The following C12orf42 variants were observed in gnomAD, a reference collection of about 807,000 sequenced individuals.
The protein encoded by C12orf42 is uncharacterized protein C12orf42.
C12orf42 carries 25 observed loss-of-function variants against 21.6 expected under a neutral mutation model. That is an observed-to-expected ratio of 1.16 (90% CI 0.84 to 1.62). C12orf42 has a LOEUF of 1.62. Among genes scored for constraint, C12orf42 ranks in the 40% most tolerant of loss-of-function variants. The probability of loss-of-function intolerance (pLI) is 0.00; values close to 1 mark genes in which losing one functional copy is unlikely to be tolerated. For missense variants in C12orf42, 483 were observed against 459.3 expected (o/e 1.05, Z -0.47); for synonymous variants, 174 against 175.0 (o/e 0.99, Z 0.05).
intron 2 of C12orf42, among the ~76,000 whole-genome samples, chr12:103,406,756 A>C (rs1281985472): frequency 1.3e-5 from 2 of 152,208 alleles, no homozygotes; most frequent in Non-Finnish European, 2.9e-5. Context: ...CCCAGACCTA[A>C]GGAGAAGATT....
At chr12:103,497,637 T>G (rs1955598545), upstream of C12orf42, among the ~76,000 whole-genome samples, 1 of 152,216 alleles carries the variant, frequency 6.6e-6, no homozygotes, top group South Asian at 2.1e-4. Flanking sequence ...TCTTCATCAA[T>G]TTCAGCAAAT....
At chr12:103,054,946 C>T in the C12orf42 span, among the ~76,000 whole-genome samples, 1 of 151,786 alleles carries the variant, frequency 6.6e-6, no homozygotes, top group South Asian at 2.1e-4. Context: ...GTGTGTCATT[C>T]TCTTTATGTA....
the C12orf42 span, among the ~76,000 whole-genome samples, chr12:103,521,338 T>C: frequency 1.3e-5 from 2 of 152,190 alleles, no homozygotes; most frequent in South Asian, 4.1e-4. Flanking sequence ...TGCCATCGAA[T>C]ACTATGCAGC....
chr12:103,318,213 T>C (rs901382940), intron 4 of C12orf42, among the ~76,000 whole-genome samples: 5 of 151,984 alleles, frequency 3.3e-5, no homozygotes, highest in African/African-American at 4.8e-5. Flanking sequence ...TACTTGAGTA[T>C]GGGAGGCAGA....
intron 4 of C12orf42, among the ~76,000 whole-genome samples, chr12:103,353,548 C>T (rs1394190032): frequency 6.6e-6 from 1 of 151,936 alleles, no homozygotes; most frequent in Non-Finnish European, 1.5e-5. Context: ...TATGTGAGGG[C>T]CAGTAGCAGA....
the C12orf42 span, chr12:103,550,771 G>A: frequency 6.6e-6 from 1 of 151,926 alleles, no homozygotes; most frequent in African/African-American, 2.4e-5. Context: ...CAAATAACAT[G>A]GTATTATATT....
chr12:103,302,783 A>C (rs1593341435), intron 5 of C12orf42, among the ~76,000 whole-genome samples: 1 of 150,712 alleles, frequency 6.6e-6, no homozygotes, highest in East Asian at 1.9e-4. Flanking sequence ...GAAACCACCT[A>C]CCCAACACCT....
intron 1 of C12orf42, among the ~76,000 whole-genome samples, chr12:103,483,302 G>A (rs1246626338): frequency 6.6e-6 from 1 of 152,150 alleles, no homozygotes; most frequent in Non-Finnish European, 1.5e-5. Flanking sequence ...CTGTACATGT[G>A]TAGGGGCATA....
chr12:103,235,136 T>C (rs568704740), downstream of C12orf42, among the ~76,000 whole-genome samples: 6 of 152,186 alleles, frequency 3.9e-5, no homozygotes, highest in Non-Finnish European at 7.4e-5. Flanking sequence ...CCATAAATAC[T>C]TCTGACATTT....
chr12:103,432,440 T>A (rs529382492), intron 2 of C12orf42, among the ~76,000 whole-genome samples: 5 of 152,342 alleles, frequency 3.3e-5, no homozygotes, highest in Middle Eastern at 6.8e-3. Context: ...GCCCTGCGCA[T>A]ATCTGACTAG....
chr12:103,354,300 T>C (rs2043340596), intron 4 of C12orf42, among the ~76,000 whole-genome samples: 1 of 152,118 alleles, frequency 6.6e-6, no homozygotes. Context: ...CTAGGGAGAA[T>C]TACGGCTTCC....
At chr12:103,281,961 A>AAG (rs746853228) in intron 4 of C12orf42, among the ~76,000 whole-genome samples, 1 of 146,958 alleles carries the variant, frequency 6.8e-6, no homozygotes, top group African/African-American at 2.5e-5. Context: ...GAAAGAAAGA[A>AAG]AGAGATCGAT....
chr12:103,169,865 G>A, the C12orf42 span, among the ~76,000 whole-genome samples: 2 of 152,176 alleles, frequency 1.3e-5, no homozygotes, highest in Non-Finnish European at 2.9e-5. Flanking sequence ...TAGAGCAATG[G>A]TTCATGCTGA....
intron 3 of C12orf42, among the ~76,000 whole-genome samples, chr12:103,391,161 TTA>T (rs143705802): frequency 0.18 from 26,355 of 150,512 alleles, 2,628 homozygotes; most frequent in African/African-American, 0.29. Context: ...ATATTCGGTT[TTA>T]TATATATATA....
At chr12:103,093,603 T>C in the C12orf42 span, among the ~76,000 whole-genome samples, 1 of 152,026 alleles carries the variant, frequency 6.6e-6, no homozygotes, top group African/African-American at 2.4e-5. Context: ...TTAGGTGGGC[T>C]CCAGGACAAG....
chr12:103,207,635 T>C, the C12orf42 span, among the ~76,000 whole-genome samples: 1 of 152,200 alleles, frequency 6.6e-6, no homozygotes, highest in African/African-American at 2.4e-5. Context: ...GAAAAACTCA[T>C]TGTAGCCCCT....
At position 103,302,413 on chromosome 12, in the gene C12orf42, C is replaced by G. The variant is rs764782955; in HGVS notation, c.778G>C (p.Asp260His). Residue 260 changes from aspartate to histidine, a missense_variant, in exon 6 of 6, where the codon GAC (aspartate) becomes CAC (histidine). Physicochemically the swap from Asp to His is moderately conservative, Grantham distance 81. Coordinates refer to ENST00000548883, the MANE Select transcript of C12orf42 (RefSeq NM_198521.5). Reference sequence around the variant, plus strand: ...GCGCCCAGGAGTCTGCTTTGGATGTCGTCGGGGTGTGCCTGAGCGCCTGCT... The same window carrying G: ...GCGCCCAGGAGTCTGCTTTGGATGTGGTCGGGGTGTGCCTGAGCGCCTGCT... The part of the protein sequence containing the change: ...VPAGAQAHPD[D>H]IQSRLLGASG... 4.3e-6 allele frequency: 7 copies of G among 1,613,742 alleles called. No homozygotes were observed. The African/African-American group carries it at 5.3e-5, about 12-fold the overall frequency.
the C12orf42 span, among the ~76,000 whole-genome samples, chr12:103,551,315 TATAG>T: frequency 6.6e-6 from 1 of 152,230 alleles, no homozygotes; most frequent in Non-Finnish European, 1.5e-5. Context: ...CAACATTTTC[TATAG>T]ATATTTATAA....
intron 2 of C12orf42, among the ~76,000 whole-genome samples, chr12:103,474,664 C>G (rs1016666877): frequency 6.6e-6 from 1 of 152,128 alleles, no homozygotes; most frequent in African/African-American, 2.4e-5. Context: ...ATCAAGCCAC[C>G]ACTTTTGATT....
Sources: allele counts gnomAD v4.1 joint callset (sites outside exome capture counted in the v4.1 genomes callset), GRCh38; gene constraint gnomAD v4.1.1; transcripts MANE v1.5; gene names NCBI Gene and HGNC (gene_info 2026-07-23, HGNC 2026-07-21).